Variants in GALNTL6 observed in about 807,000 individuals in gnomAD.
GALNTL6 encodes polypeptide N-acetylgalactosaminyltransferase like 6.
A neutral mutation model predicts 73.7 loss-of-function variants in GALNTL6; 46 were observed. The observed-to-expected ratio is 0.62, with a 90% confidence interval of 0.49 to 0.80. GALNTL6 has a LOEUF of 0.80. GALNTL6 is among the 30% of genes least tolerant of loss of function. GALNTL6 has a pLI of 0.00. For missense variants in GALNTL6, 604 were observed against 755.0 expected, an observed-to-expected ratio of 0.80 and a Z score of 2.34; for synonymous variants, 259 against 263.7, an observed-to-expected ratio of 0.98 and a Z score of 0.17.
At chr4:172,344,336 C>A (rs993238746) in intron 4 of GALNTL6, among the ~76,000 whole-genome samples, 1 of 152,116 alleles carries the variant, frequency 6.6e-6, no homozygotes, top group Non-Finnish European at 1.5e-5. Flanking sequence ...CTTCTTGAAT[C>A]CAATGCCTGA....
At chr4:172,128,440 G>T (rs1733364925) in intron 2 of GALNTL6, among the ~76,000 whole-genome samples, 1 of 152,020 alleles carries the variant, frequency 6.6e-6, no homozygotes, top group Admixed American at 6.6e-5. Flanking sequence ...TTAATCATGA[G>T]ACAGTAAAAC....
rs142443649 is a variant in GALNTL6 at position 172,582,514 on chromosome 4, A to G, written c.554-226847A>G. ...AACGATGTCAAATTTACTGATGGGG[A>G]ACCTGAAGATATTAAAGCTGACTGT... On this transcript the variant is annotated intron_variant, in intron 5 of 12. Coordinates refer to ENST00000506823, the MANE Select transcript of GALNTL6 (RefSeq NM_001034845.3). Among the ~76,000 whole-genome samples, 25 of 152,302 alleles carry G rather than the reference A, an allele frequency of 1.6e-4. No homozygotes were observed. In the East Asian group the frequency reaches 4.8e-3, roughly 29 times the overall value.
chr4:171,886,315 G>C (rs1244531199), intron 2 of GALNTL6, among the ~76,000 whole-genome samples: 1 of 152,054 alleles, frequency 6.6e-6, no homozygotes, highest in African/African-American at 2.4e-5. Context: ...AGTCAATTCA[G>C]TCATAATTGA....
intron 5 of GALNTL6, among the ~76,000 whole-genome samples, chr4:172,631,750 C>T (rs1406413519): frequency 6.6e-6 from 1 of 151,994 alleles, no homozygotes; most frequent in Non-Finnish European, 1.5e-5. Context: ...GTTGTTTTGC[C>T]ATACAAGTAA....
At chr4:172,558,649 C>T (rs1248390941) in intron 5 of GALNTL6, among the ~76,000 whole-genome samples, 2 of 152,090 alleles carry the variant, frequency 1.3e-5, no homozygotes, top group Admixed American at 1.3e-4. Context: ...GTTTAAGCCA[C>T]CGAGTCTGTG....
chr4:172,251,785 C>T (rs759343534), intron 3 of GALNTL6, among the ~76,000 whole-genome samples: 30 of 152,044 alleles, frequency 2.0e-4, no homozygotes, highest in African/African-American at 4.3e-4. Flanking sequence ...GAATACTAGA[C>T]GGGCACTCAG....
intron 5 of GALNTL6, among the ~76,000 whole-genome samples, chr4:172,481,025 T>C (rs1472686678): frequency 6.6e-6 from 1 of 152,194 alleles, no homozygotes; most frequent in African/African-American, 2.4e-5. Context: ...TTGGTCTCAC[T>C]GACTTCAAGA....
chr4:172,209,686 AATTAT>A (rs912577696), intron 2 of GALNTL6, among the ~76,000 whole-genome samples: 2 of 151,996 alleles, frequency 1.3e-5, no homozygotes, highest in African/African-American at 4.8e-5. Flanking sequence ...CAAAATAAGG[AATTAT>A]ATTAGTAAGA....
chr4:172,809,212 C>G lies in GALNTL6; in HGVS notation c.554-149C>G, dbSNP rs972180478. Reference sequence around the variant, plus strand: ...TCTGGAAAGTGTAAAATCTAAAAATCTTACTAGTATCTCCCATCTAGATGA... The same window carrying G: ...TCTGGAAAGTGTAAAATCTAAAAATGTTACTAGTATCTCCCATCTAGATGA... On this transcript the variant is annotated intron_variant, in intron 5 of 12. Coordinates refer to ENST00000506823, the MANE Select transcript of GALNTL6 (RefSeq NM_001034845.3). The surrounding 1 kb of genome is among the most constrained non-coding windows in gnomAD (Gnocchi z 4.4). The G allele has an allele frequency of 6.4e-6, 4 of 628,852 alleles. No homozygotes were observed. The highest frequency in any genetic ancestry group is 1.1e-5 in the Non-Finnish European group (4 of 362,402). The allele number at this position is 628,852 out of a possible 1,614,324, so 39.0% of individuals were successfully genotyped here.
intron 3 of GALNTL6, among the ~76,000 whole-genome samples, chr4:172,296,442 G>A (rs1739676473): frequency 6.6e-6 from 1 of 152,002 alleles, no homozygotes; most frequent in African/African-American, 2.4e-5. Context: ...ATACATGTGG[G>A]AGTTGGTGTG....
intron 2 of GALNTL6, among the ~76,000 whole-genome samples, chr4:172,167,268 G>A (rs913965829): frequency 1.3e-5 from 2 of 152,102 alleles, no homozygotes; most frequent in Admixed American, 6.6e-5. Flanking sequence ...TTTTAGGTAC[G>A]GGGACCCATT....
chr4:172,637,225 A>C (rs1258166297), intron 5 of GALNTL6, among the ~76,000 whole-genome samples: 2 of 152,206 alleles, frequency 1.3e-5, no homozygotes, highest in African/African-American at 4.8e-5. Context: ...AACTTGGTTT[A>C]GAATAATAAA....
intron 10 of GALNTL6, among the ~76,000 whole-genome samples, chr4:173,001,846 A>G (rs1311600794): frequency 6.6e-6 from 1 of 152,158 alleles, no homozygotes; most frequent in South Asian, 2.1e-4. Flanking sequence ...GATGGCTATT[A>G]CATAAACCAA....
rs182734555 is a variant in GALNTL6, at chr4:171,878,506, T to C, written c.138+63788T>C. 3.3e-3 allele frequency among the ~76,000 whole-genome samples: 496 copies of C among 152,346 alleles called. 4 individuals are homozygous for C. Among genetic ancestry groups the C allele is most frequent in the African/African-American group, 0.011 (478 of 41,588 alleles). On this transcript the variant is annotated intron_variant, in intron 2 of 12. Coordinates refer to ENST00000506823, the MANE Select transcript of GALNTL6 (RefSeq NM_001034845.3). Reference sequence around the variant, plus strand: ...AGTTCTTTGAGCATAAAAGTCTTCATTCTAACATAAATAGTACATTTCTAT... The same window carrying C: ...AGTTCTTTGAGCATAAAAGTCTTCACTCTAACATAAATAGTACATTTCTAT...
intron 5 of GALNTL6, among the ~76,000 whole-genome samples, chr4:172,503,591 C>G (rs1005463761): frequency 6.2e-5 from 9 of 144,282 alleles, no homozygotes; most frequent in African/African-American, 2.4e-4. Flanking sequence ...CTAGTTGGCA[C>G]TTCATCTAAC....
intron 5 of GALNTL6, among the ~76,000 whole-genome samples, chr4:172,757,859 A>C (rs1049245785): frequency 1.3e-5 from 2 of 152,212 alleles, no homozygotes; most frequent in Non-Finnish European, 2.9e-5. Flanking sequence ...ATTTTTGATA[A>C]ATCATAAAAA....
chr4:171,957,821 G>T (rs551015795), intron 2 of GALNTL6, among the ~76,000 whole-genome samples: 1 of 152,242 alleles, frequency 6.6e-6, no homozygotes, highest in Admixed American at 6.5e-5. Context: ...TAACTGACCT[G>T]TTCAGATGTC....
chr4:172,843,787 G>A (rs544242937), intron 7 of GALNTL6, among the ~76,000 whole-genome samples: 9 of 152,312 alleles, frequency 5.9e-5, no homozygotes, highest in East Asian at 3.9e-4. Flanking sequence ...AGCCAGGCAC[G>A]GTGGCTCACA....
chr4:172,376,330 G>T (rs1490679398), intron 5 of GALNTL6, among the ~76,000 whole-genome samples: 1 of 152,188 alleles, frequency 6.6e-6, no homozygotes, highest in Non-Finnish European at 1.5e-5. Context: ...AGATAGAATA[G>T]ATGGGCTAGT....
Sources: allele counts gnomAD v4.1 joint callset (sites outside exome capture counted in the v4.1 genomes callset), GRCh38; gene constraint gnomAD v4.1.1; non-coding constraint Gnocchi (gnomAD v3.1); transcripts MANE v1.5; gene names NCBI Gene and HGNC (gene_info 2026-07-23, HGNC 2026-07-21).